Variants in MAP4K5 observed in about 807,000 individuals in gnomAD.
The protein encoded by MAP4K5 is mitogen-activated protein kinase kinase kinase kinase 5.
In MAP4K5, 82 loss-of-function variants were observed where a neutral mutation model predicts 135.6. The observed-to-expected ratio is 0.60, with a 90% confidence interval of 0.51 to 0.73. MAP4K5 has a LOEUF of 0.73. MAP4K5 is among the 30% of genes least tolerant of loss of function. The pLI is 0.00. For synonymous variants in MAP4K5, 347 were observed against 335.0 expected, an observed-to-expected ratio of 1.04 and a Z score of -0.39; for missense variants, 907 against 1,010.9, an observed-to-expected ratio of 0.90 and a Z score of 1.39.
intron 21 of MAP4K5, 127 bp from the exon 22 acceptor site, chr14:50,440,568 C>CT: frequency 1.8e-6 from 1 of 542,852 alleles, no homozygotes; most frequent in Non-Finnish European, 3.3e-6. Context: ...AAATTATTTT[C>CT]TTAAATTTGT....
At position 50,434,399 on chromosome 14, in the gene MAP4K5, C is replaced by T. The variant is rs556990499; in HGVS notation, c.2159G>A (p.Gly720Asp). The change falls in exon 28 of 33, where the codon GGT becomes GAT. Residue 720 changes from glycine to aspartate, a missense_variant. By Grantham distance (94) the Gly-to-Asp change is moderately conservative. Coordinates refer to ENST00000682126, the MANE Select transcript of MAP4K5 (RefSeq NM_006575.6). ...NSASSWFTEIGAGSQQLDSIH... is the reference protein window; with the variant it reads ...NSASSWFTEIDAGSQQLDSIH... Reference sequence around the variant, plus strand: ...ATAAGGTAAAAAATACTTACCTGCACCAATTTCTGTAAACCATGAAGATGC... The same window carrying T: ...ATAAGGTAAAAAATACTTACCTGCATCAATTTCTGTAAACCATGAAGATGC... 14 of 1,600,924 alleles carry T rather than the reference C, an allele frequency of 8.7e-6. 1 individual carries two copies. In the East Asian group the frequency reaches 2.9e-4, roughly 33 times the overall value.
At chr14:50,433,205 G>A (rs889832049) in intron 28 of MAP4K5, among the ~76,000 whole-genome samples, 9 of 152,174 alleles carry the variant, frequency 5.9e-5, no homozygotes, top group African/African-American at 2.2e-4. Flanking sequence ...TACCTTTTCT[G>A]TTAGCTGTAA....
intron 2 of MAP4K5, among the ~76,000 whole-genome samples, chr14:50,540,604 T>C (rs1300418505): frequency 1.3e-5 from 2 of 152,206 alleles, no homozygotes; most frequent in Non-Finnish European, 2.9e-5. Flanking sequence ...TAGCTCTAAA[T>C]AATAATCTCT....
rs902298358 is a variant in MAP4K5 at position 50,532,540 on chromosome 14, C to G, written c.-202G>C. 6.6e-6 allele frequency: 1 copy of G among 152,218 alleles called. No homozygotes were observed. The highest frequency in any genetic ancestry group is 1.5e-5 in the Non-Finnish European group (1 of 68,152). The allele number at this position is 152,218 out of a possible 1,614,324, so 9.4% of individuals were successfully genotyped here. On this transcript the variant is annotated 5_prime_UTR_variant, in exon 1 of 33. Coordinates refer to ENST00000682126, the MANE Select transcript of MAP4K5 (RefSeq NM_006575.6). ...GCCGCCACTCAGCCGCTGCACGGCG[C>G]GTCCTCTCGGGGGCGGCGGAGGCGC... is the stretch of plus-strand genomic sequence containing the variant.
At chr14:50,523,322 A>G (rs1165007418) in intron 2 of MAP4K5, among the ~76,000 whole-genome samples, 1 of 152,130 alleles carries the variant, frequency 6.6e-6, no homozygotes, top group Non-Finnish European at 1.5e-5. Context: ...AAAAAAAAAA[A>G]TCATAAATAA....
At chr14:50,435,921 G>C (rs1595432178) in intron 26 of MAP4K5, among the ~76,000 whole-genome samples, 2 of 152,004 alleles carry the variant, frequency 1.3e-5, no homozygotes, top group African/African-American at 4.8e-5. Flanking sequence ...TTTTATCTTA[G>C]ATTCCAAGTT....
chr14:50,472,596 A>G (rs539762460), intron 9 of MAP4K5: 5 of 152,296 alleles, frequency 3.3e-5, no homozygotes, highest in African/African-American at 1.2e-4. Context: ...ACAATGTGGT[A>G]ATGTCCTCAG....
upstream of MAP4K5, among the ~76,000 whole-genome samples, chr14:50,534,197 C>G (rs1239416487): frequency 6.6e-6 from 1 of 152,192 alleles, no homozygotes; most frequent in Non-Finnish European, 1.5e-5. Context: ...CATGTTTACA[C>G]TTGCGTTACT....
intron 2 of MAP4K5, among the ~76,000 whole-genome samples, chr14:50,515,015 C>T (rs141654281): frequency 2.0e-5 from 3 of 151,694 alleles, no homozygotes; most frequent in African/African-American, 7.3e-5. Flanking sequence ...GTAATTCTCT[C>T]GCTTCAGCCT....
chr14:50,467,763 T>C (rs1328407637), intron 10 of MAP4K5, among the ~76,000 whole-genome samples: 3 of 152,122 alleles, frequency 2.0e-5, no homozygotes, highest in African/African-American at 7.2e-5. Flanking sequence ...CTTATCAGCA[T>C]TCTAGCTAAA....
Position 50,433,696 on chromosome 14 carries a change from GGTGA to G in MAP4K5, c.2164+694_2164+697del, listed in dbSNP as rs1342378492. Reference sequence around the variant, plus strand: ...AAAAGGCAGTAAAGAATACAACAGTGGTGAGTAATGAAATAGCCATAACTAAAGC... The same window carrying G: ...AAAAGGCAGTAAAGAATACAACAGTGGTAATGAAATAGCCATAACTAAAGC... On this transcript the variant is annotated intron_variant, in intron 28 of 32. Coordinates refer to ENST00000682126, the MANE Select transcript of MAP4K5 (RefSeq NM_006575.6). Among the ~76,000 whole-genome samples, 11 of 152,142 alleles carry G rather than the reference GGTGA, an allele frequency of 7.2e-5. No homozygotes were observed. In the East Asian group the frequency reaches 1.7e-3, roughly 24 times the overall value.
intron 28 of MAP4K5, among the ~76,000 whole-genome samples, chr14:50,429,462 C>T (rs2035923004): frequency 6.6e-6 from 1 of 152,052 alleles, no homozygotes; most frequent in Non-Finnish European, 1.5e-5. Flanking sequence ...GCTAACTCAG[C>T]TGAAAAAAAC....
At position 50,434,510 on chromosome 14, in the gene MAP4K5, T is replaced by C. The variant is rs183281311; in HGVS notation, c.2048A>G (p.Gln683Arg). The change falls in exon 28 of 33, where the codon CAG becomes CGG. Residue 683 changes from glutamine (Q) to arginine (R), a missense_variant. Gln to Arg is a conservative substitution (Grantham distance 43). Coordinates refer to ENST00000682126, the MANE Select transcript of MAP4K5 (RefSeq NM_006575.6). ...NVFEMLVIPE[Q>R]EYPMVCVAIS... ...AGCTACACAGACCATAGGGTATTCCTGTTCAGGTATCACCAGCATTTCAAA... is the reference window on the plus strand; with the variant it reads ...AGCTACACAGACCATAGGGTATTCCCGTTCAGGTATCACCAGCATTTCAAA... The C allele has an allele frequency of 6.2e-7, 1 of 1,606,522 alleles. No homozygotes were observed. Among genetic ancestry groups the C allele is most frequent in the Admixed American group, 1.7e-5 (1 of 58,900 alleles).
intron 3 of MAP4K5, among the ~76,000 whole-genome samples, chr14:50,493,226 G>C (rs112702698): frequency 1.3e-5 from 2 of 151,902 alleles, no homozygotes; most frequent in African/African-American, 4.8e-5. Flanking sequence ...CAGCCTCCCA[G>C]GTAGCTGGGA....
intron 3 of MAP4K5, among the ~76,000 whole-genome samples, 180 bp from the exon 4 acceptor site, chr14:50,486,374 T>C (rs1475667226): frequency 3.3e-5 from 5 of 152,100 alleles, no homozygotes; most frequent in African/African-American, 1.2e-4. Flanking sequence ...ATACAGAATC[T>C]TTGAACCCAC....
intron 2 of MAP4K5, among the ~76,000 whole-genome samples, chr14:50,525,484 T>C (rs2038243386): frequency 6.6e-6 from 1 of 152,146 alleles, no homozygotes; most frequent in Admixed American, 6.5e-5. Flanking sequence ...GGTCTCTACA[T>C]TTCTAGCCAC....
chr14:50,497,487 C>T (rs1375093345), intron 3 of MAP4K5, among the ~76,000 whole-genome samples: 3 of 152,136 alleles, frequency 2.0e-5, no homozygotes, highest in Non-Finnish European at 4.4e-5. Context: ...AAAGAACATA[C>T]CACGTAACCT....
intron 2 of MAP4K5, among the ~76,000 whole-genome samples, chr14:50,507,816 T>C (rs1257140277): frequency 1.3e-5 from 2 of 152,212 alleles, no homozygotes; most frequent in African/African-American, 4.8e-5. Flanking sequence ...CAGAAGAATG[T>C]ATATTCTGTT....
At chr14:50,560,577 T>TA (rs1485463546) in intron 1 of MAP4K5, 1 of 501,678 alleles carries the variant, frequency 2.0e-6, no homozygotes, top group Non-Finnish European at 3.6e-6. Context: ...TCCCAGCATT[T>TA]GGACAGCACC....
Sources: allele counts gnomAD v4.1 joint callset (sites outside exome capture counted in the v4.1 genomes callset), GRCh38; gene constraint gnomAD v4.1.1; transcripts MANE v1.5; gene names NCBI Gene and HGNC (gene_info 2026-07-23, HGNC 2026-07-21).